PROM1: variants seen among roughly 807,000 people sequenced by gnomAD.
PROM1 encodes the protein prominin-1.
A neutral mutation model predicts 116.9 loss-of-function variants in PROM1; 105 were observed. The ratio of observed to expected loss-of-function variants is 0.90; its 90% confidence interval spans 0.77 to 1.06. PROM1 has a LOEUF of 1.06. PROM1 is among the 50% of genes least tolerant of loss of function. The pLI is 0.00. For missense variants in PROM1, 1,122 were observed against 1,045.2 expected, an observed-to-expected ratio of 1.07 and a Z score of -1.01; for synonymous variants, 393 against 387.0, an observed-to-expected ratio of 1.02 and a Z score of -0.18.
intron 15 of PROM1, among the ~76,000 whole-genome samples, chr4:15,996,512 AAAATAAAT>A (rs34403866): frequency 1.1e-4 from 17 of 149,586 alleles, no homozygotes; most frequent in South Asian, 6.4e-4. Context: ...TCCATCTCAG[AAAATAAAT>A]AAATAAATAA....
intron 26 of PROM1, chr4:15,976,297 T>A (rs1560377897): frequency 6.9e-6 from 3 of 433,708 alleles, no homozygotes; most frequent in African/African-American, 4.0e-5. Flanking sequence ...TCCATCATCA[T>A]GCCTTTTTTC....
At chr4:16,042,516 T>C (rs1449738722) in intron 2 of PROM1, among the ~76,000 whole-genome samples, 4 of 152,208 alleles carry the variant, frequency 2.6e-5, no homozygotes, top group Non-Finnish European at 5.9e-5. Flanking sequence ...ATGGATACTC[T>C]AGAAGCCCTG....
rs377338765 is a variant in PROM1 at position 16,043,983 on chromosome 4, A to T, written c.221-4982T>A. On this transcript the variant is annotated intron_variant, in intron 2 of 27. Coordinates refer to ENST00000447510, the MANE Select transcript of PROM1 (RefSeq NM_006017.3). ...CAGGTCAGGGGACAGCGCTGGCAGG[A>T]TGTCTTAGCTTCGTGGGATTCTCTT... Among the ~76,000 whole-genome samples the T allele has an allele frequency of 1.6e-4, 25 of 152,300 alleles. No individual in the cohort carries two copies. The South Asian group carries it at 4.4e-3, about 27-fold the overall frequency.
chr4:16,018,117 T>G (rs1489418643), intron 9 of PROM1, among the ~76,000 whole-genome samples: 4 of 152,230 alleles, frequency 2.6e-5, no homozygotes. Context: ...CAGAGAACTC[T>G]CATGAAGCGG....
chr4:16,020,239 CTT>C (rs1360680237), intron 8 of PROM1, among the ~76,000 whole-genome samples: 1 of 152,216 alleles, frequency 6.6e-6, no homozygotes, highest in Non-Finnish European at 1.5e-5. Flanking sequence ...ATTTCTATCA[CTT>C]TACCTGAATA....
chr4:16,056,834 T>C (rs1739150323), intron 2 of PROM1, among the ~76,000 whole-genome samples: 1 of 152,170 alleles, frequency 6.6e-6, no homozygotes. Flanking sequence ...CTGCCCATTC[T>C]CTCTGCCCAT....
intron 11 of PROM1, among the ~76,000 whole-genome samples, chr4:16,013,044 T>C (rs1727323320): frequency 6.6e-6 from 1 of 152,152 alleles, no homozygotes; most frequent in African/African-American, 2.4e-5. Flanking sequence ...CTGTCAACCA[T>C]GTGGCAGCTG....
At position 15,984,388 on chromosome 4, in the gene PROM1, C is replaced by A. The variant is rs370896981; in HGVS notation, c.2281-33G>T. On this transcript the variant is annotated intron_variant, in intron 22 of 27. Coordinates refer to ENST00000447510, the MANE Select transcript of PROM1 (RefSeq NM_006017.3). ...GGTGGAAACACAGGGAAACTTTGAG[C>A]TGCATCCACAAAAACCCAAAGGAAT... 6.9e-6 allele frequency: 10 copies of A among 1,446,386 alleles called. No homozygotes were observed. The African/African-American group carries it at 1.4e-4, about 20-fold the overall frequency. 89.6% of individuals were successfully genotyped at this position (1,446,386 alleles called of 1,614,324 possible).
chr4:16,075,603 T>C (rs1365016154), intron 2 of PROM1, 84 bp downstream of exon 2: 19 of 1,296,032 alleles, frequency 1.5e-5, no homozygotes, highest in Non-Finnish European at 4.3e-6. Flanking sequence ...GAATATATTA[T>C]ATATTGATTG....
chr4:16,052,536 G>C (rs1490983734), intron 2 of PROM1, among the ~76,000 whole-genome samples: 3 of 152,192 alleles, frequency 2.0e-5, no homozygotes, highest in Non-Finnish European at 4.4e-5. Flanking sequence ...GAGTGCAGTG[G>C]TGTGATCTCG....
chr4:15,996,747 A>T (rs1722419765), intron 15 of PROM1, among the ~76,000 whole-genome samples: 1 of 152,242 alleles, frequency 6.6e-6, no homozygotes, highest in African/African-American at 2.4e-5. Flanking sequence ...GGCGAATACT[A>T]CTAAGCTATA....
At chr4:16,076,512 G>T (rs1743979634) in intron 1 of PROM1, 1 of 152,620 alleles carries the variant, frequency 6.6e-6, no homozygotes, top group Non-Finnish European at 1.5e-5. Context: ...TGCAGATGAG[G>T]AAACTGACAC....
chr4:16,039,716 A>G (rs1427331344), intron 2 of PROM1, among the ~76,000 whole-genome samples: 1 of 50,536 alleles, frequency 2.0e-5, no homozygotes, highest in African/African-American at 1.2e-4. Flanking sequence ...CCAGACTGTC[A>G]AAAAAAAAAA....
rs1172372915 is a variant in PROM1 at position 16,024,339 on chromosome 4, G to C, written c.650C>G (p.Ala217Gly). 6.2e-7 allele frequency: 1 copy of C among 1,612,354 alleles called. No homozygotes were observed. Among genetic ancestry groups the C allele is most frequent in the African/African-American group, 1.3e-5 (1 of 74,972 alleles). ...ETPEQIKYIL[A>G]QYNTTKDKAF... is the part of the protein sequence containing the mutation. Reference sequence around the variant, plus strand: ...CTTGTCCTTGGTAGTGTTGTACTGGGCCAATATATATTTGATTTGCTGAAA... The same window carrying C: ...CTTGTCCTTGGTAGTGTTGTACTGGCCCAATATATATTTGATTTGCTGAAA... Residue 217 changes from alanine to glycine, a missense_variant, in exon 7 of 28, where the codon GCC becomes GGC. By Grantham distance (60) the Ala-to-Gly change is moderately conservative (BLOSUM62 0). Coordinates refer to ENST00000447510, the MANE Select transcript of PROM1 (RefSeq NM_006017.3).
chr4:15,991,333 A>T, intron 17 of PROM1, 40 bp from the exon 18 acceptor site: 1 of 1,422,300 alleles, frequency 7.0e-7, no homozygotes, highest in Non-Finnish European at 9.7e-7. Context: ...TGGATATGGG[A>T]TCTTTAAGCC....
At chr4:15,984,196 C>T in intron 23 of PROM1, 67 bp downstream of exon 23, 1 of 1,244,472 alleles carries the variant, frequency 8.0e-7, no homozygotes, top group African/African-American at 1.5e-5. Context: ...TAATGTATAT[C>T]ATAATCCAGA....
chr4:16,016,273 G>GACAA (rs1373212918), intron 9 of PROM1, 33 bp from the exon 10 acceptor site: 7 of 1,498,462 alleles, frequency 4.7e-6, no homozygotes, highest in Non-Finnish European at 4.5e-6. Flanking sequence ...ATAAGACAAG[G>GACAA]TTGTTACCTT....
At chr4:16,017,249 C>T (rs915034620) in intron 9 of PROM1, among the ~76,000 whole-genome samples, 6 of 152,232 alleles carry the variant, frequency 3.9e-5, no homozygotes, top group Middle Eastern at 3.4e-3. Context: ...GGTGCAAAAT[C>T]GTGACCCTTG....
intron 2 of PROM1, among the ~76,000 whole-genome samples, chr4:16,070,141 A>G (rs1019534914): frequency 6.6e-6 from 1 of 152,108 alleles, no homozygotes; most frequent in Non-Finnish European, 1.5e-5. Flanking sequence ...TTTTTTAACA[A>G]TTTCCCCCCT....
Sources: gnomAD v4.1 joint callset for allele counts (sites outside exome capture counted in the v4.1 genomes callset) on GRCh38, gnomAD v4.1.1 for gene constraint, MANE v1.5 for transcripts, NCBI Gene and HGNC (gene_info 2026-07-23, HGNC 2026-07-21) for gene names.